The following FREM1 variants were observed in gnomAD, a reference collection of about 807,000 sequenced individuals.
The protein encoded by FREM1 is FRAS1 related extracellular matrix 1, also known as FRAS1-related extracellular matrix protein 1.
In FREM1, 220 loss-of-function variants were observed where a neutral mutation model predicts 210.1. The observed-to-expected ratio is 1.05, with a 90% confidence interval of 0.94 to 1.17. FREM1 has a LOEUF of 1.17. Among genes scored for constraint, FREM1 ranks in the 50% most tolerant of loss-of-function variants. FREM1 has a pLI of 0.00. For missense variants in FREM1, 3,454 were observed against 2,675.5 expected, an observed-to-expected ratio of 1.29 and a Z score of -6.42; for synonymous variants, 1,189 against 980.2, an observed-to-expected ratio of 1.21 and a Z score of -3.98.
intron 3 of FREM1, among the ~76,000 whole-genome samples, chr9:14,863,340 CAAAA>C (rs547934749): frequency 1.1e-5 from 1 of 89,974 alleles, no homozygotes; most frequent in Admixed American, 1.3e-4. Context: ...GACTCCGTCT[CAAAA>C]AAAAAAAAAA....
chr9:14,874,977 A>G (rs1354486965), intron 1 of FREM1, among the ~76,000 whole-genome samples: 1 of 152,170 alleles, frequency 6.6e-6, no homozygotes, highest in Non-Finnish European at 1.5e-5. Flanking sequence ...CTTTTCTTTA[A>G]GAATCTTGAA....
chr9:14,835,759 G>A (rs1005425357), intron 10 of FREM1, among the ~76,000 whole-genome samples: 1 of 152,166 alleles, frequency 6.6e-6, no homozygotes, highest in Non-Finnish European at 1.5e-5. Flanking sequence ...CATTCTTGCT[G>A]CACTTTATGC....
chr9:14,801,807 T>C lies in FREM1; in HGVS notation c.3539A>G (p.Gln1180Arg), dbSNP rs1287684751. 4.3e-6 allele frequency: 7 copies of C among 1,613,986 alleles called. No individual in the cohort carries two copies. The South Asian group carries it at 7.7e-5, about 18-fold the overall frequency. Reference sequence around the variant, plus strand: ...AGTGATGCTGAACAGCAGGGCATCCTGGGGAATGTCCAGGTCCACAGCGCT... The same window carrying C: ...AGTGATGCTGAACAGCAGGGCATCCCGGGGAATGTCCAGGTCCACAGCGCT... ...IISAVDLDIP[Q>R]DALLFSITQK... Residue 1180 changes from glutamine to arginine, a missense_variant, in exon 20 of 37, where the codon CAG becomes CGG. Gln to Arg is a conservative substitution (Grantham distance 43, BLOSUM62 1). Coordinates refer to ENST00000380880, the MANE Select transcript of FREM1 (RefSeq NM_001379081.2).
chr9:14,898,197 G>C (rs1838089624), intron 1 of FREM1, among the ~76,000 whole-genome samples: 1 of 152,054 alleles, frequency 6.6e-6, no homozygotes, highest in African/African-American at 2.4e-5. Context: ...TTCTTCCTTG[G>C]GCTCTGTTTC....
At chr9:14,799,586 G>A (rs574325022) in intron 20 of FREM1, among the ~76,000 whole-genome samples, 6 of 151,464 alleles carry the variant, frequency 4.0e-5, no homozygotes, top group Non-Finnish European at 7.4e-5. Context: ...ACCAACAAAT[G>A]TTATTTTTTA....
intron 27 of FREM1, among the ~76,000 whole-genome samples, chr9:14,763,302 G>A (rs1459412691): frequency 1.3e-5 from 2 of 152,140 alleles, no homozygotes; most frequent in Non-Finnish European, 2.9e-5. Context: ...AGTCACGACA[G>A]CCAAAACTGT....
intron 25 of FREM1, among the ~76,000 whole-genome samples, chr9:14,775,258 G>C (rs1587882008): frequency 6.6e-6 from 1 of 152,162 alleles, no homozygotes; most frequent in Non-Finnish European, 1.5e-5. Flanking sequence ...TGACTCCAAA[G>C]CGTGTGGCTT....
At chr9:14,828,116 C>A (rs915081581) in intron 10 of FREM1, among the ~76,000 whole-genome samples, 1 of 152,212 alleles carries the variant, frequency 6.6e-6, no homozygotes, top group African/African-American at 2.4e-5. Context: ...ACCCCAGAGA[C>A]CACCAATGTG....
At chr9:14,822,116 C>T (rs1821465113) in intron 13 of FREM1, among the ~76,000 whole-genome samples, 1 of 152,150 alleles carries the variant, frequency 6.6e-6, no homozygotes, top group Admixed American at 6.5e-5. Context: ...TTGCCTGCCA[C>T]CATGTAAGAC....
At chr9:14,826,174 G>T (rs1822421656) in intron 10 of FREM1, among the ~76,000 whole-genome samples, 1 of 145,350 alleles carries the variant, frequency 6.9e-6, no homozygotes, top group Non-Finnish European at 1.5e-5. Context: ...CTCACTGCAA[G>T]CTCCACTCCC....
At chr9:14,786,174 A>G (rs954085869) in intron 23 of FREM1, among the ~76,000 whole-genome samples, 8 of 152,178 alleles carry the variant, frequency 5.3e-5, no homozygotes, top group African/African-American at 1.7e-4. Flanking sequence ...TGAGGAAGCT[A>G]AGGTATAGAA....
chr9:14,774,319 T>A (rs1278452721), intron 25 of FREM1, among the ~76,000 whole-genome samples: 1 of 152,104 alleles, frequency 6.6e-6, no homozygotes, highest in African/African-American at 2.4e-5. Context: ...CTTCAACCAA[T>A]CAGTTGTAGG....
chr9:14,862,457 G>A (rs1269648116), intron 3 of FREM1, among the ~76,000 whole-genome samples: 3 of 152,180 alleles, frequency 2.0e-5, no homozygotes, highest in Non-Finnish European at 4.4e-5. Context: ...CTTTTATGAA[G>A]TCAGATATAC....
chr9:14,799,195 A>T (rs1563955496), intron 20 of FREM1, among the ~76,000 whole-genome samples: 1 of 151,958 alleles, frequency 6.6e-6, no homozygotes, highest in South Asian at 2.1e-4. Flanking sequence ...CTGAGGTCAG[A>T]GGATCACTTG....
At chr9:14,795,612 G>T (rs1250552876) in intron 21 of FREM1, among the ~76,000 whole-genome samples, 3 of 152,186 alleles carry the variant, frequency 2.0e-5, no homozygotes, top group African/African-American at 7.2e-5. Context: ...GTTGAAGGAG[G>T]TTTGATGATT....
chr9:14,794,163 T>C (rs1851919067), intron 21 of FREM1, among the ~76,000 whole-genome samples: 1 of 152,068 alleles, frequency 6.6e-6, no homozygotes, highest in African/African-American at 2.4e-5. Flanking sequence ...CCTAAAAGGA[T>C]CCTAGGACAA....
At position 14,859,420 on chromosome 9, in the gene FREM1, A is replaced by C. The variant is rs1829394706; in HGVS notation, c.394T>G (p.Cys132Gly). The C allele has an allele frequency of 6.2e-7, 1 of 1,613,922 alleles. No individual in the cohort carries two copies. The highest frequency in any genetic ancestry group is 8.5e-7 in the Non-Finnish European group (1 of 1,179,780). The part of the protein sequence containing the change: ...ILWVYLLEPD[C>G]NIIHMSNNVL... ...TTGTTACTCATATGGATGATGTTACAGTCTGGTTCCAGGAGATAGACCCAC... is the reference window on the plus strand; with the variant it reads ...TTGTTACTCATATGGATGATGTTACCGTCTGGTTCCAGGAGATAGACCCAC... The change falls in exon 4 of 37, where the codon TGT becomes GGT. Residue 132 changes from cysteine (C) to glycine (G), a missense_variant. Coordinates refer to ENST00000380880, the MANE Select transcript of FREM1 (RefSeq NM_001379081.2).
At chr9:14,789,338 CAG>C (rs1464579198) in intron 22 of FREM1, among the ~76,000 whole-genome samples, 2 of 152,154 alleles carry the variant, frequency 1.3e-5, no homozygotes, top group African/African-American at 4.8e-5. Context: ...CAAAGGGTTT[CAG>C]ACGAAGTCAA....
chr9:14,819,990 T>C (rs1821001676), intron 13 of FREM1, among the ~76,000 whole-genome samples: 2 of 152,164 alleles, frequency 1.3e-5, no homozygotes, highest in African/African-American at 4.8e-5. Context: ...CCAGAGGAAA[T>C]AGATTTATTC....
Sources: gnomAD v4.1 joint callset for allele counts (sites outside exome capture counted in the v4.1 genomes callset) on GRCh38, gnomAD v4.1.1 for gene constraint, MANE v1.5 for transcripts, NCBI Gene and HGNC (gene_info 2026-07-23, HGNC 2026-07-21) for gene names.